Variants in PCDHGB6 observed in about 807,000 individuals in gnomAD.
The protein encoded by PCDHGB6 is protocadherin gamma-B6.
Under a neutral mutation model 59.1 loss-of-function variants are expected in PCDHGB6, and 51 were observed. The ratio of observed to expected loss-of-function variants is 0.86; its 90% confidence interval spans 0.69 to 1.09. The LOEUF is 1.09. Ranked by LOEUF, PCDHGB6 falls within the 50% of genes least tolerant of loss-of-function variation. PCDHGB6 has a pLI of 0.00. For missense variants in PCDHGB6, 1,148 were observed against 1,205.1 expected, an observed-to-expected ratio of 0.95 and a Z score of 0.70; for synonymous variants, 466 against 495.1, an observed-to-expected ratio of 0.94 and a Z score of 0.78.
At chr5:141,472,805 G>C (rs2099297767) in intron 1 of PCDHGB6, among the ~76,000 whole-genome samples, 1 of 151,688 alleles carries the variant, frequency 6.6e-6, no homozygotes, top group African/African-American at 2.4e-5. Context: ...GACCAACATG[G>C]AGAAACCCCC....
At chr5:141,494,965 C>T in intron 2 of PCDHGB6, 100 bp downstream of exon 2, 1 of 1,592,636 alleles carries the variant, frequency 6.3e-7, no homozygotes, top group Non-Finnish European at 8.6e-7. Context: ...CTACAGATGG[C>T]TTCTCCCTCA....
At chr5:141,433,045 C>T (rs1183696623) in intron 1 of PCDHGB6, 1 of 1,614,196 alleles carries the variant, frequency 6.2e-7, no homozygotes, top group South Asian at 1.1e-5. Flanking sequence ...TCACCACGGA[C>T]TCGCGGAAGA....
Position 141,409,751 on chromosome 5 carries a change from C to T in PCDHGB6, c.1549C>T (p.Gln517Ter). ...CGCGCAGAGCGGGGTGGTGTTCGCG[C>T]AGCGCGCCTTTGATCACGAGCAGCT... Reference protein sequence around the residue: ...VSAQSGVVFAQRAFDHEQLRA... With the variant: ...VSAQSGVVFA The change falls in exon 1 of 4, where the codon CAG becomes TAG. Residue 517 changes from glutamine to a stop codon, truncating the protein, a stop_gained. Coordinates refer to ENST00000520790, the MANE Select transcript of PCDHGB6 (RefSeq NM_018926.3). LOFTEE classifies it high-confidence loss of function. 1 of 1,613,000 alleles carries T rather than the reference C, an allele frequency of 6.2e-7. No individual in the cohort carries two copies. The highest frequency in any genetic ancestry group is 8.5e-7 in the Non-Finnish European group (1 of 1,179,836).
rs778684539 is a variant in PCDHGB6 at position 141,477,205 on chromosome 5, G to A, written c.2419-17602G>A. ...CCTCCGTGTACAGCCCAGTACCCGA[G>A]GATGCCCCTCTGGGGACTGTCATCG... On this transcript the variant is annotated intron_variant, in intron 1 of 3. Transcript: ENST00000520790. The surrounding 1 kb of genome is among the most constrained non-coding windows in gnomAD (Gnocchi z 4.9). 1 of 1,614,184 alleles carries A rather than the reference G, an allele frequency of 6.2e-7. No homozygotes were observed. The highest frequency in any genetic ancestry group is 8.5e-7 in the Non-Finnish European group (1 of 1,180,042).
intron 1 of PCDHGB6, chr5:141,422,035 C>A: frequency 6.2e-7 from 1 of 1,611,086 alleles, no homozygotes; most frequent in South Asian, 1.1e-5. Flanking sequence ...TGCAACGGAT[C>A]CAGACGAGGG....
chr5:141,428,426 C>T (rs1040765233), intron 1 of PCDHGB6: 1 of 435,172 alleles, frequency 2.3e-6, no homozygotes, highest in African/African-American at 2.0e-5. Context: ...GGTCTCTGTT[C>T]TAAGACTAGA....
At chr5:141,448,331 A>T (rs2098582637) in intron 1 of PCDHGB6, among the ~76,000 whole-genome samples, 1 of 152,146 alleles carries the variant, frequency 6.6e-6, no homozygotes, top group Non-Finnish European at 1.5e-5. Flanking sequence ...GAATCTTTAT[A>T]GCCATGTACC....
rs758781174 is a variant in PCDHGB6, at chr5:141,410,161, ACT to A, written c.1964_1965del (p.Ser655CysfsTer28). ...VAVRDGGQPP[L>X]SATATLHLVF... ...CTGTGCGTGACGGTGGACAGCCGCC[ACT>A]CTCTGCCACCGCCACGCTTCATCTG... On this transcript the variant is annotated frameshift_variant, in exon 1 of 4. Transcript: ENST00000520790. LOFTEE classifies it high-confidence loss of function. 27 of 1,613,102 alleles carry A rather than the reference ACT, an allele frequency of 1.7e-5. No homozygotes were observed. The highest frequency in any genetic ancestry group is 1.1e-5 in the South Asian group (1 of 91,036).
Position 141,434,824 on chromosome 5 carries a change from A to C in PCDHGB6, c.2418+24204A>C, listed in dbSNP as rs143305842. ...CTTGGAGAAATATATCCCTTAGTACACTTGGCATTTATAAAGCAGACATCA... is the reference window on the plus strand; with the variant it reads ...CTTGGAGAAATATATCCCTTAGTACCCTTGGCATTTATAAAGCAGACATCA... On this transcript the variant is annotated intron_variant, in intron 1 of 3. Coordinates refer to ENST00000520790, the MANE Select transcript of PCDHGB6 (RefSeq NM_018926.3). 7.9e-4 allele frequency among the ~76,000 whole-genome samples: 120 copies of C among 152,004 alleles called. 2 individuals are homozygous for C. The highest frequency in any genetic ancestry group is 2.8e-3 in the African/African-American group (115 of 41,454).
intron 1 of PCDHGB6, chr5:141,423,194 C>T (rs1467994226): frequency 3.7e-6 from 6 of 1,613,588 alleles, no homozygotes; most frequent in South Asian, 1.1e-5. Context: ...CCCCCTCTCT[C>T]GGCCACCGTC....
Position 141,456,470 on chromosome 5 carries a change from A to G in PCDHGB6, c.2419-38337A>G, listed in dbSNP as rs573210902. Among the ~76,000 whole-genome samples, 4 of 152,272 alleles carry G rather than the reference A, an allele frequency of 2.6e-5. No homozygotes were observed. In the East Asian group the frequency reaches 7.7e-4, roughly 29 times the overall value. On this transcript the variant is annotated intron_variant, in intron 1 of 3. Coordinates refer to ENST00000520790, the MANE Select transcript of PCDHGB6 (RefSeq NM_018926.3). ...GTCCAAATATCAATACAAGACATAT[A>G]AGCAAGAGAGTGCTTAATAAAGGGG...
At chr5:141,492,402 C>A (rs1254310448) in intron 1 of PCDHGB6, among the ~76,000 whole-genome samples, 1 of 152,232 alleles carries the variant, frequency 6.6e-6, no homozygotes, top group African/African-American at 2.4e-5. Flanking sequence ...TCGCAGCTCC[C>A]CTCTGCCGCT....
intron 1 of PCDHGB6, chr5:141,412,074 A>G (rs751287485): frequency 2.0e-5 from 3 of 152,184 alleles, no homozygotes; most frequent in Non-Finnish European, 4.4e-5. Context: ...TGAGGGAACA[A>G]TTGCTACTGG....
Position 141,485,064 on chromosome 5 carries a change from G to C in PCDHGB6, c.2419-9743G>C, listed in dbSNP as rs1205637757. On this transcript the variant is annotated intron_variant, in intron 1 of 3. Transcript: ENST00000520790. The surrounding 1 kb of genome is among the most constrained non-coding windows in gnomAD (Gnocchi z 5.7). ...TTGCGGCGCCGGCCGAACCGCGCCA[G>C]AGCTGGCGCGGGGAAAGGGAGATAG... The C allele has an allele frequency of 4.9e-5, 43 of 882,320 alleles. No individual in the cohort carries two copies. The highest frequency in any genetic ancestry group is 7.4e-5 in the Non-Finnish European group (41 of 557,230). 54.7% of individuals were successfully genotyped at this position (882,320 alleles called of 1,614,324 possible).
intron 1 of PCDHGB6, among the ~76,000 whole-genome samples, chr5:141,430,398 C>T (rs2097281985): frequency 6.7e-6 from 1 of 150,224 alleles, no homozygotes. Flanking sequence ...AAAAAAAAAG[C>T]TCACTAAAGT....
chr5:141,490,612 C>G lies in PCDHGB6; in HGVS notation c.2419-4195C>G, dbSNP rs1393568166. ...CAATGCACCCCGCTTCAACCAGCAG[C>G]TTTACACTGCTTACATCCTAGAAAA... On this transcript the variant is annotated intron_variant, in intron 1 of 3. Coordinates refer to ENST00000520790, the MANE Select transcript of PCDHGB6 (RefSeq NM_018926.3). This position sits in a 1 kb window ranked among gnomAD's most constrained non-coding sequence, Gnocchi z 5.4. The G allele has an allele frequency of 6.2e-7, 1 of 1,614,082 alleles. No homozygotes were observed. Among genetic ancestry groups the G allele is most frequent in the Non-Finnish European group, 8.5e-7 (1 of 1,180,032 alleles).
chr5:141,431,474 G>A lies in PCDHGB6; in HGVS notation c.2418+20854G>A, dbSNP rs747313827. 2 of 1,613,842 alleles carry A rather than the reference G, an allele frequency of 1.2e-6. No homozygotes were observed. Among genetic ancestry groups the A allele is most frequent in the East Asian group, 4.5e-5 (2 of 44,886 alleles). ...GATGGTTCTGGATGCGAACGACAACGCACCAGCGTTTGCTCAGCCCGAGTA... is the reference window on the plus strand; with the variant it reads ...GATGGTTCTGGATGCGAACGACAACACACCAGCGTTTGCTCAGCCCGAGTA... On this transcript the variant is annotated intron_variant, in intron 1 of 3. Coordinates refer to ENST00000520790, the MANE Select transcript of PCDHGB6 (RefSeq NM_018926.3). This position sits in a 1 kb window ranked among gnomAD's most constrained non-coding sequence, Gnocchi z 4.8.
rs1432743588 is a variant in PCDHGB6, at chr5:141,409,441, G to C, written c.1239G>C (p.Glu413Asp). The change falls in exon 1 of 4, where the codon GAG becomes GAC. Residue 413 changes from glutamate (E) to aspartate (D), a missense_variant. By Grantham distance (45) the Glu-to-Asp change is conservative. This residue lies in a region of PCDHGB6 where 549 missense variants were observed against 527.5 expected (regional missense o/e 1.04). Transcript: ENST00000520790. ...TGACAGATGGAGCCCTGGACCGAGA[G>C]CAGACACCAGAATACAATGTCACCA... ...KLVTDGALDR[E>D]QTPEYNVTIV... 1 of 1,613,884 alleles carries C rather than the reference G, an allele frequency of 6.2e-7. No homozygotes were observed. Among genetic ancestry groups the C allele is most frequent in the East Asian group, 2.2e-5 (1 of 44,888 alleles).
chr5:141,501,964 A>G (rs1374872785), intron 2 of PCDHGB6, among the ~76,000 whole-genome samples: 1 of 151,854 alleles, frequency 6.6e-6, no homozygotes, highest in East Asian at 1.9e-4. Flanking sequence ...TCATCCTCCT[A>G]ACCTCTGGCA....
Sources: allele counts gnomAD v4.1 joint callset (sites outside exome capture counted in the v4.1 genomes callset), GRCh38; gene constraint gnomAD v4.1.1; regional missense constraint gnomAD v4.1.1; non-coding constraint Gnocchi (gnomAD v3.1); transcripts MANE v1.5; gene names NCBI Gene and HGNC (gene_info 2026-07-23, HGNC 2026-07-21).